The following DLC1 variants were observed in gnomAD, a reference collection of about 807,000 sequenced individuals.
DLC1 encodes DLC1 Rho GTPase activating protein.
DLC1 carries 54 observed loss-of-function variants against 140.3 expected under a neutral mutation model. That is an observed-to-expected ratio of 0.38 (90% CI 0.31 to 0.48). DLC1 has a LOEUF of 0.48. Among genes scored for constraint, DLC1 ranks in the 20% least tolerant of loss-of-function variants. DLC1 has a pLI of 0.96. For missense variants in DLC1, 2,536 were observed against 1,907.0 expected (o/e 1.33, Z -6.14); for synonymous variants, 986 against 728.1 (o/e 1.35, Z -5.70).
At chr8:13,337,980 C>T (rs1671353) in intron 4 of DLC1, among the ~76,000 whole-genome samples, 116,195 of 152,102 alleles carry the variant, frequency 0.76, 45,378 homozygotes, top group East Asian at 0.93. Context: ...CCCTATCATA[C>T]GTTGAGTAGT....
intron 5 of DLC1, among the ~76,000 whole-genome samples, chr8:13,142,935 G>A (rs1489448273): frequency 6.6e-6 from 1 of 151,916 alleles, no homozygotes; most frequent in Non-Finnish European, 1.5e-5. Context: ...TGTAATCCCA[G>A]CTACTTTGGA....
intron 5 of DLC1, among the ~76,000 whole-genome samples, chr8:13,228,290 C>A (rs1182085300): frequency 6.0e-4 from 85 of 141,204 alleles, no homozygotes; most frequent in Non-Finnish European, 2.3e-4. Flanking sequence ...GTTTCCCATT[C>A]ATAAAAAAAA....
intron 1 of DLC1, among the ~76,000 whole-genome samples, chr8:13,590,161 C>T (rs1028377792): frequency 6.6e-6 from 1 of 151,032 alleles, no homozygotes; most frequent in African/African-American, 2.4e-5. Context: ...TTTGGATTGG[C>T]ACCAATCCTA....
rs1362165839 is a variant in DLC1, at chr8:13,158,743, C to G, written c.1349-43086G>C. Among the ~76,000 whole-genome samples the G allele has an allele frequency of 5.9e-3, 541 of 92,210 alleles. 33 individuals are homozygous for G. The highest frequency in any genetic ancestry group is 0.028 in the African/African-American group (506 of 17,790). The allele number at this position is 92,210 out of a possible 152,430, so 60.5% of individuals were successfully genotyped here. ...TCACAACCACCACCCTCCCCCCCCC[C>G]CCCCGCCCGCCACACATCTCTCCTC... On this transcript the variant is annotated intron_variant, in intron 5 of 17. Coordinates refer to ENST00000276297, the MANE Select transcript of DLC1 (RefSeq NM_182643.3).
chr8:13,394,576 G>A (rs1285721602), intron 3 of DLC1, among the ~76,000 whole-genome samples: 3 of 152,082 alleles, frequency 2.0e-5, no homozygotes, highest in African/African-American at 7.2e-5. Flanking sequence ...TTGCAGAGGG[G>A]ATGGAGCAAA....
chr8:13,226,014 T>A (rs1030681356), intron 5 of DLC1, among the ~76,000 whole-genome samples: 1 of 152,100 alleles, frequency 6.6e-6, no homozygotes, highest in African/African-American at 2.4e-5. Context: ...CAGGGCTCAA[T>A]TGATCCTCCC....
At chr8:13,278,151 G>C (rs1000032940) in intron 5 of DLC1, among the ~76,000 whole-genome samples, 9 of 152,322 alleles carry the variant, frequency 5.9e-5, no homozygotes, top group African/African-American at 2.2e-4. Context: ...CTTATCATTG[G>C]ACTGGACACA....
intron 5 of DLC1, among the ~76,000 whole-genome samples, chr8:13,264,459 T>C (rs1211274840): frequency 2.0e-5 from 3 of 152,228 alleles, no homozygotes; most frequent in Non-Finnish European, 4.4e-5. Context: ...ATTTGCAGTA[T>C]GGTGCCACTT....
At chr8:13,549,239 G>C (rs1434298616) in intron 1 of DLC1, among the ~76,000 whole-genome samples, 2 of 152,020 alleles carry the variant, frequency 1.3e-5, no homozygotes, top group Non-Finnish European at 2.9e-5. Flanking sequence ...GTCTTAGCGA[G>C]GTGATACGTC....
chr8:13,518,535 T>C (rs758463153), upstream of DLC1, among the ~76,000 whole-genome samples: 19 of 152,358 alleles, frequency 1.2e-4, no homozygotes, highest in Middle Eastern at 3.4e-3. Context: ...AATTATTCAG[T>C]GTCTCTCATG....
intron 5 of DLC1, among the ~76,000 whole-genome samples, chr8:13,269,906 A>T (rs995882514): frequency 6.6e-6 from 1 of 151,000 alleles, no homozygotes; most frequent in African/African-American, 2.4e-5. Flanking sequence ...AAATACAAAA[A>T]AAAAAAAAAA....
intron 5 of DLC1, among the ~76,000 whole-genome samples, chr8:13,257,890 T>A (rs961010687): frequency 1.3e-5 from 2 of 152,178 alleles, no homozygotes; most frequent in African/African-American, 4.8e-5. Context: ...TGTATGCATT[T>A]TATCAAAGCA....
intron 1 of DLC1, among the ~76,000 whole-genome samples, chr8:13,575,419 T>G (rs1323607142): frequency 3.3e-5 from 5 of 152,008 alleles, no homozygotes; most frequent in Admixed American, 6.6e-5. Context: ...CTAGCATGGC[T>G]TTTATTATAA....
chr8:13,327,931 A>G (rs1400681923), intron 4 of DLC1, among the ~76,000 whole-genome samples: 1 of 152,260 alleles, frequency 6.6e-6, no homozygotes, highest in African/African-American at 2.4e-5. Flanking sequence ...AATATGAACA[A>G]GGCAAAGTAT....
intron 5 of DLC1, among the ~76,000 whole-genome samples, chr8:13,257,447 A>T (rs1830284827): frequency 6.6e-6 from 1 of 151,714 alleles, no homozygotes; most frequent in South Asian, 2.1e-4. Flanking sequence ...AGGAAAAAAA[A>T]AAAAAAAAAA....
chr8:13,180,977 C>CTT (rs59506478), intron 5 of DLC1, among the ~76,000 whole-genome samples: 150 of 150,874 alleles, frequency 9.9e-4, no homozygotes, highest in Non-Finnish European at 1.8e-3. Context: ...TATAATGTTC[C>CTT]TTTTTTTTTC....
At chr8:13,585,971 C>T (rs1005531301) in intron 1 of DLC1, among the ~76,000 whole-genome samples, 1 of 152,090 alleles carries the variant, frequency 6.6e-6, no homozygotes, top group African/African-American at 2.4e-5. Flanking sequence ...TAATGCTTAG[C>T]CTTTCATTTT....
At chr8:13,496,361 A>G (rs1801501635) in intron 2 of DLC1, among the ~76,000 whole-genome samples, 1 of 152,120 alleles carries the variant, frequency 6.6e-6, no homozygotes, top group Non-Finnish European at 1.5e-5. Context: ...ATATTATTTT[A>G]TTTTTGTGTT....
intron 2 of DLC1, among the ~76,000 whole-genome samples, chr8:13,491,506 C>G (rs778956354): frequency 4.6e-5 from 7 of 152,134 alleles, no homozygotes; most frequent in African/African-American, 1.4e-4. Context: ...ATAAAATATA[C>G]GTGAATGGAT....
Sources: gnomAD v4.1 joint callset for allele counts (sites outside exome capture counted in the v4.1 genomes callset) on GRCh38, gnomAD v4.1.1 for gene constraint, MANE v1.5 for transcripts, NCBI Gene and HGNC (gene_info 2026-07-23, HGNC 2026-07-21) for gene names.